The following AREL1 variants were observed in gnomAD, a reference collection of about 807,000 sequenced individuals.
AREL1 encodes apoptosis-resistant E3 ubiquitin protein ligase 1.
In AREL1, 62 loss-of-function variants were observed where a neutral mutation model predicts 99.0. The observed-to-expected ratio is 0.63, with a 90% CI of 0.51 to 0.77. The LOEUF (loss-of-function observed/expected upper bound fraction) is 0.77, where lower values mean the gene tolerates loss of function less well. AREL1 is among the 30% of genes least tolerant of loss of function. AREL1 has a pLI of 0.00. For missense variants in AREL1, 879 were observed against 1,027.6 expected (o/e 0.86, Z 1.98); for synonymous variants, 380 against 376.5 (o/e 1.01, Z -0.11).
intron 18 of AREL1, 122 bp from the exon 19 acceptor site, chr14:74,664,196 AG>A: frequency 9.0e-7 from 1 of 1,116,074 alleles, no homozygotes; most frequent in South Asian, 1.6e-5. Context: ...ATGAGGACAC[AG>A]GGTAGGAACA....
At chr14:74,691,207 T>C in intron 2 of AREL1, 1 of 151,620 alleles carries the variant, frequency 6.6e-6, no homozygotes, top group Non-Finnish European at 1.5e-5. Context: ...GCAGTCCCAG[T>C]TACTTGGGAG....
intron 2 of AREL1, among the ~76,000 whole-genome samples, chr14:74,690,559 ATTTT>A (rs1403836446): frequency 6.6e-6 from 1 of 152,142 alleles, no homozygotes; most frequent in African/African-American, 2.4e-5. Flanking sequence ...CATGCATGGT[ATTTT>A]TCTACAGCAG....
At chr14:74,689,366 T>C (rs2089819699) in intron 2 of AREL1, among the ~76,000 whole-genome samples, 1 of 152,102 alleles carries the variant, frequency 6.6e-6, no homozygotes, top group Non-Finnish European at 1.5e-5. Context: ...CACTTTTACA[T>C]ACAGCTCTGA....
intron 1 of AREL1, among the ~76,000 whole-genome samples, chr14:74,703,011 C>T (rs2090113383): frequency 6.6e-6 from 1 of 152,206 alleles, no homozygotes. Flanking sequence ...ATTTTCCTGT[C>T]TTCCTCTGAG....
intron 1 of AREL1, among the ~76,000 whole-genome samples, chr14:74,703,909 C>A (rs1457211891): frequency 6.6e-6 from 1 of 152,198 alleles, no homozygotes; most frequent in Non-Finnish European, 1.5e-5. Flanking sequence ...CAAGAAACTG[C>A]CAAACCGTTT....
At chr14:74,689,287 T>C (rs1169626945) in intron 2 of AREL1, among the ~76,000 whole-genome samples, 1 of 152,154 alleles carries the variant, frequency 6.6e-6, no homozygotes, top group Non-Finnish European at 1.5e-5. Flanking sequence ...CCCCACGCTA[T>C]TCTCCTTGGC....
chr14:74,712,054 A>G (rs2090310651), intron 1 of AREL1: 1 of 58,842 alleles, frequency 1.7e-5, no homozygotes, highest in East Asian at 5.0e-4. Flanking sequence ...AAAAAAAAAA[A>G]AAAAAAAAAA....
intron 2 of AREL1, 63 bp downstream of exon 2, chr14:74,691,978 T>C (rs1386565251): frequency 3.4e-6 from 1 of 298,316 alleles, no homozygotes; most frequent in African/African-American, 2.3e-5. Context: ...GGCTTAGGAA[T>C]TGGTCACTGG....
intron 5 of AREL1, among the ~76,000 whole-genome samples, chr14:74,681,650 G>A (rs941010400): frequency 2.0e-5 from 3 of 151,914 alleles, no homozygotes; most frequent in African/African-American, 4.8e-5. Context: ...GCACGTGCCT[G>A]TAATCCCAGC....
chr14:74,700,403 C>T (rs1053648652), intron 1 of AREL1, among the ~76,000 whole-genome samples: 2 of 152,148 alleles, frequency 1.3e-5, no homozygotes, highest in Admixed American at 1.3e-4. Flanking sequence ...ACTGGCAATA[C>T]TGATGTATCA....
At chr14:74,664,473 AG>A (rs2089165548) in intron 18 of AREL1, among the ~76,000 whole-genome samples, 2 of 61,166 alleles carry the variant, frequency 3.3e-5, no homozygotes, top group African/African-American at 6.3e-5. Context: ...TTTTTTTTTG[AG>A]AAAGAGTCTC....
intron 18 of AREL1, among the ~76,000 whole-genome samples, chr14:74,664,448 CTTTTTTTTTTTTTTTT>C (rs56728679): frequency 1.3e-5 from 1 of 76,896 alleles, no homozygotes; most frequent in Non-Finnish European, 2.4e-5. Context: ...CTTTTCCTTT[CTTTTTTTTTTTTTTTT>C]TTTTTTTGAG....
At chr14:74,674,195 C>T (rs961449517) in intron 8 of AREL1, 84 bp from the exon 9 acceptor site, 2 of 1,134,138 alleles carry the variant, frequency 1.8e-6, no homozygotes, top group Non-Finnish European at 2.6e-6. Flanking sequence ...ATCATAGTCC[C>T]TATTTACATT....
At position 74,662,952 on chromosome 14, in the gene AREL1, G is replaced by A. The variant is rs2139844646; in HGVS notation, c.*768C>T. ...GTCTCCAAGCCAGCCATATGCCTAG[G>A]CATGCCCCACTCTGGAGGCTACAGC... On this transcript the variant is annotated 3_prime_UTR_variant, in exon 20 of 20. Coordinates refer to ENST00000356357, the MANE Select transcript of AREL1 (RefSeq NM_001039479.2). The A allele has an allele frequency of 4.0e-6, 1 of 249,896 alleles. No homozygotes were observed. Among genetic ancestry groups the A allele is most frequent in the East Asian group, 7.5e-5 (1 of 13,378 alleles). The allele number at this position is 249,896 out of a possible 1,614,324, so 15.5% of individuals were successfully genotyped here.
intron 1 of AREL1, among the ~76,000 whole-genome samples, chr14:74,699,424 C>T (rs2139969896): frequency 6.6e-6 from 1 of 151,862 alleles, no homozygotes; most frequent in African/African-American, 2.4e-5. Context: ...AGAGAGACAG[C>T]ACACAAGCGA....
At chr14:74,690,555 T>C (rs950810426) in intron 2 of AREL1, among the ~76,000 whole-genome samples, 5 of 152,204 alleles carry the variant, frequency 3.3e-5, no homozygotes, top group African/African-American at 7.2e-5. Context: ...TTCCCATGCA[T>C]GGTATTTTTC....
At position 74,662,409 on chromosome 14, in the gene AREL1, T is replaced by C. The variant is rs959445709; in HGVS notation, c.*1311A>G. 6 of 395,000 alleles carry C rather than the reference T, an allele frequency of 1.5e-5. No individual in the cohort carries two copies. The highest frequency in any genetic ancestry group is 8.2e-5 in the African/African-American group (4 of 48,568). The allele number at this position is 395,000 out of a possible 1,614,324, so 24.5% of individuals were successfully genotyped here. A position where few individuals can be genotyped will look rare whatever the true frequency, so the allele number is the denominator to read the frequency against. ...GGAATGGTAGCTTGCAGCAAAGCCT[T>C]CTTAAAAACACAAATTTGGGAAGTC... On this transcript the variant is annotated 3_prime_UTR_variant, in exon 20 of 20. Coordinates refer to ENST00000356357, the MANE Select transcript of AREL1 (RefSeq NM_001039479.2).
At chr14:74,688,372 A>G (rs1304653610) in intron 2 of AREL1, among the ~76,000 whole-genome samples, 2 of 152,080 alleles carry the variant, frequency 1.3e-5, no homozygotes, top group Non-Finnish European at 2.9e-5. Flanking sequence ...AAATTAGAAC[A>G]TGAGAGCCAC....
At chr14:74,690,260 T>C (rs1174638146) in intron 2 of AREL1, among the ~76,000 whole-genome samples, 4 of 94,042 alleles carry the variant, frequency 4.3e-5, no homozygotes, top group East Asian at 5.8e-4. Context: ...CAAGACCCTG[T>C]CTCCAAAAAA....
Sources: allele counts gnomAD v4.1 joint callset (sites outside exome capture counted in the v4.1 genomes callset), GRCh38; gene constraint gnomAD v4.1.1; transcripts MANE v1.5; gene names NCBI Gene and HGNC (gene_info 2026-07-23, HGNC 2026-07-21).